The following GPBP1L1 variants were observed in gnomAD, a reference collection of about 807,000 sequenced individuals.
GPBP1L1 encodes the protein GC-rich promoter binding protein 1 like 1.
In GPBP1L1, 23 loss-of-function variants were observed where a neutral mutation model predicts 52.5. That is an observed-to-expected ratio of 0.44 (90% CI 0.32 to 0.62). The LOEUF (loss-of-function observed/expected upper bound fraction) is 0.62. Ranked by LOEUF, GPBP1L1 falls within the 20% of genes least tolerant of loss-of-function variation. The pLI is 0.06. For missense variants in GPBP1L1, 596 were observed against 579.3 expected (o/e 1.03, Z -0.30); for synonymous variants, 243 against 203.1 (o/e 1.20, Z -1.67).
At chr1:45,683,317 A>T (rs1172241938) in intron 2 of GPBP1L1, among the ~76,000 whole-genome samples, 1 of 137,706 alleles carries the variant, frequency 7.3e-6, no homozygotes, top group East Asian at 2.1e-4. Flanking sequence ...GCCATTCTCC[A>T]GCCTCAGCCT....
chr1:45,632,543 C>T (rs929036912), intron 10 of GPBP1L1, among the ~76,000 whole-genome samples: 3 of 152,242 alleles, frequency 2.0e-5, no homozygotes, highest in Admixed American at 1.3e-4. Context: ...TGACGAAACT[C>T]CATCTCTACT....
chr1:45,630,634 T>C (rs766013424), intron 10 of GPBP1L1, 28 bp from the exon 11 acceptor site: 2 of 1,612,312 alleles, frequency 1.2e-6, no homozygotes, highest in Non-Finnish European at 1.7e-6. Context: ...AAGGACACAG[T>C]TGGTTTAAGG....
intron 12 of GPBP1L1, 105 bp downstream of exon 12, chr1:45,629,471 C>CCCCA (rs374105264): frequency 7.4e-4 from 107 of 144,324 alleles, no homozygotes; most frequent in South Asian, 1.2e-3. Context: ...CCCCCCCACC[C>CCCCA]GATCTTTCTC....
At chr1:45,646,920 C>T (rs760790169) in intron 6 of GPBP1L1, among the ~76,000 whole-genome samples, 1 of 151,858 alleles carries the variant, frequency 6.6e-6, no homozygotes, top group Admixed American at 6.6e-5. Context: ...GTGGGAAGAT[C>T]CTATTATATA....
At chr1:45,677,589 TC>T (rs1247955644) in intron 2 of GPBP1L1, among the ~76,000 whole-genome samples, 6 of 149,734 alleles carry the variant, frequency 4.0e-5, no homozygotes. Flanking sequence ...ATAAACAAAA[TC>T]CCTGTAGTGG....
chr1:45,680,161 G>A (rs747889287), intron 2 of GPBP1L1, among the ~76,000 whole-genome samples: 4 of 150,954 alleles, frequency 2.6e-5, no homozygotes, highest in Non-Finnish European at 4.4e-5. Flanking sequence ...CAGGCTATTT[G>A]TAACATTTTC....
intron 2 of GPBP1L1, among the ~76,000 whole-genome samples, chr1:45,665,028 C>T (rs1644993050): frequency 1.3e-5 from 2 of 152,024 alleles, no homozygotes; most frequent in South Asian, 2.1e-4. Flanking sequence ...GTGGCTCACA[C>T]CTGTAATCCT....
chr1:45,659,876 G>A (rs1569843319), intron 3 of GPBP1L1, among the ~76,000 whole-genome samples: 1 of 152,148 alleles, frequency 6.6e-6, no homozygotes, highest in Non-Finnish European at 1.5e-5. Flanking sequence ...GGAAGGTTGA[G>A]GCTGCAGTGA....
chr1:45,653,547 C>A (rs1644845468), intron 6 of GPBP1L1, among the ~76,000 whole-genome samples: 1 of 151,748 alleles, frequency 6.6e-6, no homozygotes, highest in East Asian at 1.9e-4. Flanking sequence ...TTTATAGAGA[C>A]AAGGATCTTG....
chr1:45,680,287 G>A (rs1337532490), intron 2 of GPBP1L1, among the ~76,000 whole-genome samples: 1 of 142,578 alleles, frequency 7.0e-6, no homozygotes, highest in African/African-American at 2.7e-5. Context: ...CACCTAGGCT[G>A]GAGTTCAATG....
At chr1:45,649,550 C>T (rs1644795333) in intron 6 of GPBP1L1, among the ~76,000 whole-genome samples, 1 of 151,448 alleles carries the variant, frequency 6.6e-6, no homozygotes, top group African/African-American at 2.4e-5. Flanking sequence ...TGTCTGAGGT[C>T]TCCTATGATT....
chr1:45,686,213 G>A (rs923284596), intron 1 of GPBP1L1, among the ~76,000 whole-genome samples, 199 bp downstream of exon 1: 1 of 152,256 alleles, frequency 6.6e-6, no homozygotes, highest in East Asian at 1.9e-4. Context: ...CCATGCACGG[G>A]GGAGGCGGGG....
At chr1:45,639,252 G>C (rs1039792091) in intron 8 of GPBP1L1, among the ~76,000 whole-genome samples, 6 of 152,160 alleles carry the variant, frequency 3.9e-5, no homozygotes, top group Non-Finnish European at 8.8e-5. Flanking sequence ...ACAGAGACAT[G>C]AGAAAATAGA....
At chr1:45,629,881 G>A (rs1557692183) in intron 11 of GPBP1L1, among the ~76,000 whole-genome samples, 1 of 124,430 alleles carries the variant, frequency 8.0e-6, no homozygotes, top group Non-Finnish European at 2.0e-5. Flanking sequence ...GTTGAGAGAG[G>A]AAGAGCTAAA....
At chr1:45,628,884 G>C (rs1355768861) in intron 12 of GPBP1L1, among the ~76,000 whole-genome samples, 3 of 152,106 alleles carry the variant, frequency 2.0e-5, no homozygotes, top group African/African-American at 7.2e-5. Flanking sequence ...GTATGCTCTT[G>C]AGCTCCTGAC....
chr1:45,673,848 G>A (rs980490878), intron 2 of GPBP1L1, among the ~76,000 whole-genome samples: 5 of 152,226 alleles, frequency 3.3e-5, no homozygotes, highest in African/African-American at 9.6e-5. Context: ...AACAGAGCAA[G>A]ACTCCGTCTC....
chr1:45,680,997 A>T (rs1291506785), intron 2 of GPBP1L1, among the ~76,000 whole-genome samples: 1 of 152,190 alleles, frequency 6.6e-6, no homozygotes, highest in Non-Finnish European at 1.5e-5. Context: ...AGAACACTGA[A>T]AACCCATGAT....
chr1:45,663,066 C>CAAAAAAAAAAAAAAAAAAAAAAAAAAA (rs1644966043), intron 2 of GPBP1L1, among the ~76,000 whole-genome samples: 1 of 100,462 alleles, frequency 1.0e-5, no homozygotes, highest in Non-Finnish European at 2.2e-5. Flanking sequence ...AAAAAAAAAG[C>CAAAAAAAAAAAAAAAAAAAAAAAAAAA]AAAAAACCCC....
chr1:45,670,837 G>A (rs931875602), intron 2 of GPBP1L1, among the ~76,000 whole-genome samples: 56 of 142,370 alleles, frequency 3.9e-4, no homozygotes, highest in African/African-American at 1.5e-3. Flanking sequence ...CTGTCACCCA[G>A]GCTGGAGTGC....
Sources: allele counts gnomAD v4.1 joint callset (sites outside exome capture counted in the v4.1 genomes callset), GRCh38; gene constraint gnomAD v4.1.1; transcripts MANE v1.5; gene names NCBI Gene and HGNC (gene_info 2026-07-23, HGNC 2026-07-21).